Variants in DOP1B observed in about 807,000 individuals in gnomAD.
DOP1B encodes the protein DOP1 leucine zipper like protein B, also known as protein DOP1B.
In DOP1B, 174 loss-of-function variants were observed where a neutral mutation model predicts 233.5. That is an observed-to-expected ratio of 0.75 (90% confidence interval 0.66 to 0.85). DOP1B has a LOEUF of 0.85. Among genes scored for constraint, DOP1B ranks in the 40% least tolerant of loss-of-function variants. The pLI is 0.00. For missense variants in DOP1B, 2,652 were observed against 2,846.6 expected (o/e 0.93, Z 1.56); for synonymous variants, 1,190 against 1,185.6 (o/e 1.00, Z -0.08).
intron 7 of DOP1B, among the ~76,000 whole-genome samples, chr21:36,213,486 A>T (rs533438622): frequency 6.6e-6 from 1 of 151,924 alleles, no homozygotes; most frequent in African/African-American, 2.4e-5. Flanking sequence ...ACAAAAAAAC[A>T]CTGGTTTTAA....
chr21:36,266,410 G>A (rs1337982383), intron 26 of DOP1B, among the ~76,000 whole-genome samples: 1 of 152,066 alleles, frequency 6.6e-6, no homozygotes, highest in Non-Finnish European at 1.5e-5. Flanking sequence ...TCGTGACCTC[G>A]TGATCCAGCC....
At position 36,278,235 on chromosome 21, in the gene DOP1B, C is replaced by A; in HGVS notation, c.5849C>A (p.Ala1950Asp). Reference protein sequence around the residue: ...HSAYNAPSFRAGAQLLSSLSG... With the variant: ...HSAYNAPSFRDGAQLLSSLSG... Reference sequence around the variant, plus strand: ...GCCTACAATGCTCCCAGCTTCCGGGCTGGCGCTCAGCTGCTGAGCTCCCTG... The same window carrying A: ...GCCTACAATGCTCCCAGCTTCCGGGATGGCGCTCAGCTGCTGAGCTCCCTG... The change falls in exon 30 of 37, where the codon GCT becomes GAT. Residue 1950 changes from alanine to aspartate, a missense_variant. Physicochemically the swap from Ala to Asp is moderately radical, Grantham distance 126 (BLOSUM62 -2). Transcript: ENST00000691173. 6.2e-7 allele frequency: 1 copy of A among 1,614,158 alleles called. No individual in the cohort carries two copies. Among genetic ancestry groups the A allele is most frequent in the Non-Finnish European group, 8.5e-7 (1 of 1,180,022 alleles).
chr21:36,179,176 G>T (rs1372536238), intron 2 of DOP1B, among the ~76,000 whole-genome samples: 2 of 152,240 alleles, frequency 1.3e-5, no homozygotes, highest in Non-Finnish European at 2.9e-5. Context: ...CTGAGTAAGA[G>T]TCCATGGATA....
chr21:36,161,224 C>T (rs916661145), intron 1 of DOP1B, among the ~76,000 whole-genome samples: 1 of 152,022 alleles, frequency 6.6e-6, no homozygotes, highest in Non-Finnish European at 1.5e-5. Flanking sequence ...GAGCCCACTG[C>T]AACCTCCGCC....
chr21:36,166,159 C>A (rs1249985412), intron 2 of DOP1B, among the ~76,000 whole-genome samples: 1 of 151,086 alleles, frequency 6.6e-6, no homozygotes, highest in Admixed American at 6.6e-5. Context: ...CGTGGCCAGA[C>A]GTGGTGGCTC....
Position 36,251,272 on chromosome 21 carries a change from C to T in DOP1B, c.5109C>T (p.His1703=), listed in dbSNP as rs746076624. 13 of 1,611,996 alleles carry T rather than the reference C, an allele frequency of 8.1e-6. No homozygotes were observed. Among genetic ancestry groups the T allele is most frequent in the Non-Finnish European group, 7.6e-6 (9 of 1,179,524 alleles). Residue 1703 remains histidine (H), a synonymous_variant, in exon 22 of 37, where the codon CAC becomes CAT. Coordinates refer to ENST00000691173, the MANE Select transcript of DOP1B (RefSeq NM_001320714.2). ...GGAGCAGAAAGAAAGCCCAGCGTCA[C>T]AGTAAGATGAAGGTAAAGTTTAAAA... The part of the protein sequence containing the change: ...AVWSRKKAQR[H]SKMKIIPTAS...
chr21:36,263,448 C>T (rs993936002), intron 24 of DOP1B, 98 bp from the exon 25 acceptor site: 1 of 1,038,190 alleles, frequency 9.6e-7, no homozygotes, highest in Non-Finnish European at 1.5e-6. Flanking sequence ...GCTGTTTACC[C>T]TTTGCTTTCC....
chr21:36,179,968 G>C (rs985728390), intron 2 of DOP1B, among the ~76,000 whole-genome samples: 3 of 152,118 alleles, frequency 2.0e-5, no homozygotes, highest in Non-Finnish European at 4.4e-5. Flanking sequence ...GCCTGCCTTT[G>C]CCCCTCTCCT....
intron 14 of DOP1B, among the ~76,000 whole-genome samples, chr21:36,231,704 G>T (rs1219976185): frequency 6.7e-6 from 1 of 150,180 alleles, no homozygotes; most frequent in East Asian, 1.9e-4. Context: ...TTGAGACAGG[G>T]TCTGGCTCTG....
At chr21:36,278,587 G>T (rs1485798975) in intron 30 of DOP1B, among the ~76,000 whole-genome samples, 1 of 152,290 alleles carries the variant, frequency 6.6e-6, no homozygotes, top group East Asian at 1.9e-4. Flanking sequence ...TTATTTCCTG[G>T]CTGGGCACGG....
At chr21:36,184,711 G>A (rs2066143742) in intron 2 of DOP1B, among the ~76,000 whole-genome samples, 1 of 152,212 alleles carries the variant, frequency 6.6e-6, no homozygotes, top group Admixed American at 6.5e-5. Context: ...AGGCTGCCCG[G>A]CATACGCAGC....
At chr21:36,165,139 C>T (rs1336240240) in intron 2 of DOP1B, among the ~76,000 whole-genome samples, 3 of 152,038 alleles carry the variant, frequency 2.0e-5, no homozygotes, top group Non-Finnish European at 4.4e-5. Context: ...ATGTATGTAC[C>T]TCCTTCCAGC....
intron 26 of DOP1B, among the ~76,000 whole-genome samples, chr21:36,267,075 G>A (rs973147931): frequency 1.3e-5 from 2 of 152,166 alleles, no homozygotes; most frequent in Non-Finnish European, 2.9e-5. Context: ...GAACCGTGTG[G>A]CACAGTTGAG....
intron 9 of DOP1B, among the ~76,000 whole-genome samples, chr21:36,217,536 A>G (rs1454378841): frequency 6.6e-6 from 1 of 152,198 alleles, no homozygotes; most frequent in African/African-American, 2.4e-5. Context: ...GATTGCACTC[A>G]GAGAAGTCCT....
intron 15 of DOP1B, among the ~76,000 whole-genome samples, chr21:36,236,252 C>T (rs747557401): frequency 6.6e-5 from 10 of 152,182 alleles, no homozygotes; most frequent in Admixed American, 1.3e-4. Flanking sequence ...GGGCTGTAGC[C>T]CTTTGCAGAC....
intron 2 of DOP1B, chr21:36,169,050 G>A (rs988413790): frequency 1.9e-5 from 16 of 862,382 alleles, no homozygotes; most frequent in Admixed American, 5.1e-5. Context: ...GTCTGGAAGC[G>A]GCCATAGCCA....
chr21:36,191,373 G>T (rs545388765), intron 2 of DOP1B, among the ~76,000 whole-genome samples: 1 of 152,100 alleles, frequency 6.6e-6, no homozygotes, highest in Non-Finnish European at 1.5e-5. Context: ...AAGATTGAAA[G>T]CTCACTCTCA....
At chr21:36,157,508 G>A (rs1314218126) in intron 1 of DOP1B, among the ~76,000 whole-genome samples, 11 of 152,230 alleles carry the variant, frequency 7.2e-5, no homozygotes. Flanking sequence ...AGGGTTCCCG[G>A]CTGCTCGCGG....
At chr21:36,185,168 C>T (rs963808326) in intron 2 of DOP1B, among the ~76,000 whole-genome samples, 5 of 143,556 alleles carry the variant, frequency 3.5e-5, no homozygotes, top group African/African-American at 1.1e-4. Context: ...TAACATCTCC[C>T]GATACTATGT....
Sources: allele counts gnomAD v4.1 joint callset (sites outside exome capture counted in the v4.1 genomes callset), GRCh38; gene constraint gnomAD v4.1.1; transcripts MANE v1.5; gene names NCBI Gene and HGNC (gene_info 2026-07-23, HGNC 2026-07-21).